NUTM2F: variants seen among roughly 807,000 people sequenced by gnomAD.
NUTM2F encodes the protein family with sequence similarity 22, member F.
A neutral mutation model predicts 43.3 loss-of-function variants in NUTM2F; 22 were observed. That is an observed-to-expected ratio of 0.51 (90% CI 0.36 to 0.73). The LOEUF (loss-of-function observed/expected upper bound fraction) is 0.73. NUTM2F is among the 30% of genes least tolerant of loss of function. NUTM2F has a pLI of 0.00. For synonymous variants in NUTM2F, 202 were observed against 389.0 expected, an observed-to-expected ratio of 0.52 and a Z score of 5.66; for missense variants, 488 against 927.4, an observed-to-expected ratio of 0.53 and a Z score of 6.15.
rs1250881470 is a variant in NUTM2F at position 94,325,834 on chromosome 9, G to C, written c.117C>G (p.His39Gln). 6.2e-7 allele frequency: 1 copy of C among 1,611,990 alleles called. No individual in the cohort carries two copies. Among genetic ancestry groups the C allele is most frequent in the Admixed American group, 1.7e-5 (1 of 59,998 alleles). Residue 39 changes from histidine (H) to glutamine (Q), a missense_variant, in exon 2 of 7, where the codon CAC (histidine) becomes CAG (glutamine). Transcript: ENST00000253262. Reference sequence around the variant, plus strand: ...CCACTGCAGTCACGAGGGGCGGCCTGTGTGCTGGGCCGGGAGCGGGTGTGG... The same window carrying C: ...CCACTGCAGTCACGAGGGGCGGCCTCTGTGCTGGGCCGGGAGCGGGTGTGG... ...PFATPAPGPA[H>Q]RPPLVTAVVP...
rs763477352 is a variant in NUTM2F at position 94,325,828 on chromosome 9, C to T, written c.123G>A (p.Pro41=). The T allele has an allele frequency of 8.7e-6, 14 of 1,612,066 alleles. No homozygotes were observed. In the East Asian group the frequency reaches 1.1e-4, roughly 13 times the overall value. The change falls in exon 2 of 7, where the codon CCG becomes CCA. Residue 41 remains proline, a synonymous_variant. Transcript: ENST00000253262. ...GAGGAACCACTGCAGTCACGAGGGG[C>T]GGCCTGTGTGCTGGGCCGGGAGCGG... ...ATPAPGPAHR[P]PLVTAVVPPA...
Position 94,320,535 on chromosome 9 carries a change from C to T in NUTM2F, c.1041G>A (p.Arg347=). ...KAPTACLPPP[R]PQRPAETKAH... ...CCTTGGTCTCCGCTGGCCTCTGGGGCCTGGGTGGTGGCAGGCAGGCAGTCG... is the reference window on the plus strand; with the variant it reads ...CCTTGGTCTCCGCTGGCCTCTGGGGTCTGGGTGGTGGCAGGCAGGCAGTCG... Residue 347 remains arginine (R), a synonymous_variant, in exon 5 of 7, where the codon AGG becomes AGA. Transcript: ENST00000253262. The surrounding 1 kb of genome is among the most constrained non-coding windows in gnomAD (Gnocchi z 4.5). 6.2e-7 allele frequency: 1 copy of T among 1,611,088 alleles called. No homozygotes were observed.
At chr9:94,321,335 G>C in intron 3 of NUTM2F, 103 bp from the exon 4 acceptor site, 1 of 1,519,022 alleles carries the variant, frequency 6.6e-7, no homozygotes, top group Non-Finnish European at 8.8e-7. Context: ...TGCCTCCGGC[G>C]GGCTGTCCAG....
At position 94,320,056 on chromosome 9, in the gene NUTM2F, AACACACAGAC is replaced by A. The variant is rs1202818133; in HGVS notation, c.1368+142_1368+151del. ...CAAATCACAGACACAAACACACAGC[AACACACAGAC>A]ACACACAGTCACATACACAGACACT... On this transcript the variant is annotated intron_variant, in intron 5 of 6. Coordinates refer to ENST00000253262, the MANE Select transcript of NUTM2F (RefSeq NM_017561.2). This position sits in a 1 kb window ranked among gnomAD's most constrained non-coding sequence, Gnocchi z 4.5. 6.6e-6 allele frequency among the ~76,000 whole-genome samples: 1 copy of A among 151,980 alleles called. No individual in the cohort carries two copies. Among genetic ancestry groups the A allele is most frequent in the Non-Finnish European group, 1.5e-5 (1 of 67,946 alleles).
chr9:94,319,565 C>A, intron 6 of NUTM2F, 48 bp downstream of exon 6: 1 of 1,610,974 alleles, frequency 6.2e-7, no homozygotes, highest in Non-Finnish European at 8.5e-7. Flanking sequence ...TGTGCCGGGT[C>A]CCTCCTGCCC....
chr9:94,325,685 A>G lies in NUTM2F; in HGVS notation c.266T>C (p.Val89Ala). ...TGCCTGAGGGGGCTTCACAGGCCCC[A>G]CTTCTGTCCTCATCTGGACAAAGAC... ...SNVFVQMRTE[V>A]GPVKPPQAQT... Residue 89 changes from valine to alanine, a missense_variant, in exon 2 of 7, where the codon GTG (valine) becomes GCG (alanine). Val to Ala is a moderately conservative substitution (Grantham distance 64). Transcript: ENST00000253262. 6.2e-7 allele frequency: 1 copy of G among 1,611,002 alleles called. No homozygotes were observed.
Position 94,325,866 on chromosome 9 carries a change from G to C in NUTM2F, c.85C>G (p.Pro29Ala). The C allele has an allele frequency of 6.2e-7, 1 of 1,611,954 alleles. No homozygotes were observed. Among genetic ancestry groups the C allele is most frequent in the Non-Finnish European group, 8.5e-7 (1 of 1,179,846 alleles). Residue 29 changes from proline to alanine, a missense_variant, in exon 2 of 7, where the codon CCC (proline) becomes GCC (alanine). Pro to Ala is a conservative substitution (Grantham distance 27). Coordinates refer to ENST00000253262, the MANE Select transcript of NUTM2F (RefSeq NM_017561.2). ...GGGCCGGGAGCGGGTGTGGCAAAGG[G>C]CAGAGCCGTGAACACAGACAGGGAG... is the stretch of plus-strand genomic sequence containing the variant. ...GTSLSVFTAL[P>A]FATPAPGPAH...
chr9:94,325,610 G>T lies in NUTM2F; in HGVS notation c.341C>A (p.Thr114Asn). 5 of 1,600,322 alleles carry T rather than the reference G, an allele frequency of 3.1e-6. No individual in the cohort carries two copies. Among genetic ancestry groups the T allele is most frequent in the Non-Finnish European group, 4.3e-6 (5 of 1,175,522 alleles). Residue 114 changes from threonine to asparagine, a missense_variant, in exon 2 of 7, where the codon ACC (threonine) becomes AAC (asparagine). By Grantham distance (65) the Thr-to-Asn change is moderately conservative. Transcript: ENST00000253262. ...QAPLVWQAPG[T>N]LCGGVMCPPP... is the part of the protein sequence containing the mutation. Reference sequence around the variant, plus strand: ...TGGACACATGACACCTCCACAGAGGGTGCCTGGAGCCTGCCAGACGAGGGG... The same window carrying T: ...TGGACACATGACACCTCCACAGAGGTTGCCTGGAGCCTGCCAGACGAGGGG...
At chr9:94,328,539 T>C in intron 1 of NUTM2F, 69 bp downstream of exon 1, 2 of 1,610,748 alleles carry the variant, frequency 1.2e-6, no homozygotes, top group South Asian at 2.2e-5. Flanking sequence ...CCAGGGACAG[T>C]TCAAATTTGA....
rs1831298871 is a variant in NUTM2F, at chr9:94,318,275, CTTCCTGCCCTCCCCGTTCAGCCACCTT to C, written c.*163_*189del. 1 of 257,700 alleles carries C rather than the reference CTTCCTGCCCTCCCCGTTCAGCCACCTT, an allele frequency of 3.9e-6. No homozygotes were observed. The highest frequency in any genetic ancestry group is 8.1e-5 in the Admixed American group (1 of 12,368). 16.0% of individuals were successfully genotyped at this position (257,700 alleles called of 1,614,324 possible). On this transcript the variant is annotated 3_prime_UTR_variant, in exon 7 of 7. Coordinates refer to ENST00000253262, the MANE Select transcript of NUTM2F (RefSeq NM_017561.2). ...CTGCTTCCCACCCCCCAGGCCCTCC[CTTCCTGCCCTCCCCGTTCAGCCACCTT>C]CTCCCTCCCCTCCTTCCCCTACCCT... is the stretch of plus-strand genomic sequence containing the variant.
rs1831358791 is a variant in NUTM2F at position 94,321,117 on chromosome 9, C to T, written c.958G>A (p.Ala320Thr). The change falls in exon 4 of 7, where the codon GCC becomes ACC. Residue 320 changes from alanine (A) to threonine (T), a missense_variant. Coordinates refer to ENST00000253262, the MANE Select transcript of NUTM2F (RefSeq NM_017561.2). ...PPRLEPRGPP[A>T]PEVVKQPVYL... ...CCTGGCTGCTTGACCACCTCAGGGG[C>T]AGGGGGTCCTCGAGGTTCAAGCCTC... is the stretch of plus-strand genomic sequence containing the variant. 1 of 1,552,652 alleles carries T rather than the reference C, an allele frequency of 6.4e-7. No individual in the cohort carries two copies. Among genetic ancestry groups the T allele is most frequent in the African/African-American group, 1.4e-5 (1 of 73,672 alleles).
rs764646287 is a variant in NUTM2F, at chr9:94,325,711, G to T, written c.240C>A (p.Asn80Lys). 1.9e-6 allele frequency: 3 copies of T among 1,611,686 alleles called. No homozygotes were observed. The highest frequency in any genetic ancestry group is 1.3e-5 in the African/African-American group (1 of 74,962). ...GRGPSGAGAS[N>K]VFVQMRTEVG... is the part of the protein sequence containing the mutation. ...CTTCTGTCCTCATCTGGACAAAGAC[G>T]TTGGAAGCCCCGGCCCCACTCGGGC... Residue 80 changes from asparagine (N) to lysine (K), a missense_variant, in exon 2 of 7, where the codon AAC (asparagine) becomes AAA (lysine). By Grantham distance (94) the Asn-to-Lys change is moderately conservative. Transcript: ENST00000253262.
Position 94,318,901 on chromosome 9 carries a change from AAGG to A in NUTM2F, c.1832_1834del (p.Ala611_Leu612delinsVal). On this transcript the variant is annotated inframe_deletion, in exon 7 of 7. Coordinates refer to ENST00000253262, the MANE Select transcript of NUTM2F (RefSeq NM_017561.2). ...GACAGGAGACTCTCCAGGGAGACCC[AAGG>A]CGTCCTTGGTCCCCAGGCCGGGGCA... is the stretch of plus-strand genomic sequence containing the variant. 11 of 1,605,906 alleles carry A rather than the reference AAGG, an allele frequency of 6.8e-6. No individual in the cohort carries two copies. Among genetic ancestry groups the A allele is most frequent in the Non-Finnish European group, 7.6e-6 (9 of 1,176,644 alleles).
At position 94,320,492 on chromosome 9, in the gene NUTM2F, T is replaced by C. The variant is rs754343306; in HGVS notation, c.1084A>G (p.Arg362Gly). 6.2e-7 allele frequency: 1 copy of C among 1,611,334 alleles called. No homozygotes were observed. Among genetic ancestry groups the C allele is most frequent in the Non-Finnish European group, 8.5e-7 (1 of 1,179,480 alleles). The change falls in exon 5 of 7, where the codon AGG becomes GGG. Residue 362 changes from arginine to glycine, a missense_variant. Transcript: ENST00000253262. The surrounding 1 kb of genome is among the most constrained non-coding windows in gnomAD (Gnocchi z 4.5). The part of the protein sequence containing the change: ...AETKAHLPPP[R>G]PQRPAETNAH... ...TTGGTCTCCGCTGGCCTCTGGGGCC[T>C]GGGTGGTGGCAGGTGGGCCTTGGTC...
Position 94,320,875 on chromosome 9 carries a change from G to A in NUTM2F, c.982+218C>T, listed in dbSNP as rs1229878136. On this transcript the variant is annotated intron_variant, in intron 4 of 6. Coordinates refer to ENST00000253262, the MANE Select transcript of NUTM2F (RefSeq NM_017561.2). The surrounding 1 kb of genome is among the most constrained non-coding windows in gnomAD (Gnocchi z 4.5). ...TTGGACAGGCAAGGGGAGAGAGAAA[G>A]TAGGAAACTTGGCCCGGTCAATACC... Among the ~76,000 whole-genome samples, 1 of 152,182 alleles carries A rather than the reference G, an allele frequency of 6.6e-6. No homozygotes were observed. Among genetic ancestry groups the A allele is most frequent in the South Asian group, 2.1e-4 (1 of 4,836 alleles).
At chr9:94,319,493 G>A in intron 6 of NUTM2F, 120 bp downstream of exon 6, 3 of 953,640 alleles carry the variant, frequency 3.1e-6, no homozygotes, top group Non-Finnish European at 3.3e-6. Flanking sequence ...CCACCCCGGA[G>A]TGGCTCCCCA....
chr9:94,322,436 G>A, intron 2 of NUTM2F, 107 bp from the exon 3 acceptor site: 1 of 1,489,578 alleles, frequency 6.7e-7, no homozygotes, highest in Non-Finnish European at 9.2e-7. Flanking sequence ...CCTGCCATCT[G>A]TCCCTGTCCT....
intron 2 of NUTM2F, among the ~76,000 whole-genome samples, chr9:94,324,108 A>G (rs1831418065): frequency 6.6e-6 from 1 of 151,932 alleles, no homozygotes; most frequent in Non-Finnish European, 1.5e-5. Context: ...TCTCTACTAA[A>G]AAATACAAAA....
chr9:94,325,063 T>C (rs1169805117), intron 2 of NUTM2F, among the ~76,000 whole-genome samples, 175 bp downstream of exon 2: 1 of 139,174 alleles, frequency 7.2e-6, no homozygotes, highest in Non-Finnish European at 1.5e-5. Context: ...CCCCTGACAG[T>C]CTGTCCTGAG....
Sources: allele counts gnomAD v4.1 joint callset (sites outside exome capture counted in the v4.1 genomes callset), GRCh38; gene constraint gnomAD v4.1.1; non-coding constraint Gnocchi (gnomAD v3.1); transcripts MANE v1.5; gene names NCBI Gene and HGNC (gene_info 2026-07-23, HGNC 2026-07-21).